Variants in TMEM167B observed in about 807,000 individuals in gnomAD.
The protein encoded by TMEM167B is transmembrane protein 167B, also known as protein kish-B.
Under a neutral mutation model 9.4 loss-of-function variants are expected in TMEM167B, and 2 were observed. The ratio of observed to expected loss-of-function variants is 0.21; its 90% CI spans 0.09 to 0.67. TMEM167B has a LOEUF of 0.67. Among genes scored for constraint, TMEM167B ranks in the 30% least tolerant of loss-of-function variants. The pLI is 0.82. For synonymous variants in TMEM167B, 28 were observed against 32.0 expected (o/e 0.87, Z 0.42); for missense variants, 68 against 87.6 (o/e 0.78, Z 0.89).
Position 109,094,575 on chromosome 1 carries a change from T to C in TMEM167B, c.*76T>C. The C allele has an allele frequency of 1.4e-6, 2 of 1,404,920 alleles. No individual in the cohort carries two copies. Among genetic ancestry groups the C allele is most frequent in the East Asian group, 4.6e-5 (2 of 43,846 alleles). 87.0% of individuals were successfully genotyped at this position (1,404,920 alleles called of 1,614,324 possible). On this transcript the variant is annotated 3_prime_UTR_variant, in exon 3 of 3. Transcript: ENST00000338272. The stretch of plus-strand genomic sequence containing the variant: ...GAACCTGTTGGAGACCTGAACCCAG[T>C]GTAGGAGAGTTCAGCTGAAATCATC...
chr1:109,090,899 T>TG lies in TMEM167B; in HGVS notation c.10+18dup. The TG allele has an allele frequency of 4.4e-6, 7 of 1,587,996 alleles. No individual in the cohort carries two copies. The highest frequency in any genetic ancestry group is 6.0e-6 in the Non-Finnish European group (7 of 1,166,194). On this transcript the variant is annotated intron_variant, in intron 1 of 2. Coordinates refer to ENST00000338272, the MANE Select transcript of TMEM167B (RefSeq NM_020141.4). The stretch of plus-strand genomic sequence containing the variant: ...TGACGAACGGTGAGAACTGATGCCC[T>TG]GAGCGGAGGGTGGGAGTGAAGGACG...
In TMEM167B at chr1:109,092,577, A is replaced by C. The variant is rs532737635; in HGVS notation, c.11-313A>C. ...TTTTAGTAAAGGGGATGTAAAAAAAAAAATTTTTTTTTGAGTTGGGGTCTC... is the reference window on the plus strand; with the variant it reads ...TTTTAGTAAAGGGGATGTAAAAAAACAAATTTTTTTTTGAGTTGGGGTCTC... On this transcript the variant is annotated intron_variant, in intron 1 of 2. Coordinates refer to ENST00000338272, the MANE Select transcript of TMEM167B (RefSeq NM_020141.4). 2.6e-5 allele frequency among the ~76,000 whole-genome samples: 4 copies of C among 152,224 alleles called. No homozygotes were observed. The East Asian group carries it at 7.7e-4, about 29-fold the overall frequency.
At chr1:109,090,935 G>A (rs1265256881) in intron 1 of TMEM167B, 53 bp downstream of exon 1, 75 of 1,555,968 alleles carry the variant, frequency 4.8e-5, no homozygotes, top group Non-Finnish European at 2.6e-6. Flanking sequence ...AAGGGAAAAC[G>A]TGGCGGGCGG....
intron 1 of TMEM167B, among the ~76,000 whole-genome samples, chr1:109,092,018 T>C (rs1287341534): frequency 2.6e-5 from 4 of 152,222 alleles, no homozygotes; most frequent in African/African-American, 9.6e-5. Flanking sequence ...AGTTGCTGAA[T>C]AAATTTTAGT....
intron 2 of TMEM167B, chr1:109,093,787 A>C (rs1318280962): frequency 6.6e-6 from 1 of 152,218 alleles, no homozygotes; most frequent in Non-Finnish European, 1.5e-5. Context: ...AAAAAGGACA[A>C]AATATAAACA....
rs1664555545 is a variant in TMEM167B, at chr1:109,095,783, G to C, written c.*1284G>C. On this transcript the variant is annotated 3_prime_UTR_variant, in exon 3 of 3. Transcript: ENST00000338272. ...TTTGCAATTGATACTGAAGTACTTT[G>C]CCATGGAGTTAGTAACTCCTGAGCA... 1 of 152,088 alleles carries C rather than the reference G, an allele frequency of 6.6e-6. No homozygotes were observed. The highest frequency in any genetic ancestry group is 1.5e-5 in the Non-Finnish European group (1 of 68,026). 9.4% of individuals were successfully genotyped at this position (152,088 alleles called of 1,614,324 possible).
chr1:109,091,192 T>G (rs1664441462), intron 1 of TMEM167B, among the ~76,000 whole-genome samples: 2 of 152,194 alleles, frequency 1.3e-5, no homozygotes, highest in South Asian at 4.1e-4. Flanking sequence ...CTACTGCTAT[T>G]TAAACCCGGG....
rs752967451 is a variant in TMEM167B at position 109,090,845 on chromosome 1, C to G, written c.-28C>G. The G allele has an allele frequency of 1.9e-6, 3 of 1,584,586 alleles. No homozygotes were observed. The highest frequency in any genetic ancestry group is 2.6e-6 in the Non-Finnish European group (3 of 1,165,182). On this transcript the variant is annotated 5_prime_UTR_variant, in exon 1 of 3. Transcript: ENST00000338272. ...GCCGCTATTACCACTGAACCCGGAC[C>G]CCCTACCCAGGTCCAGGGCCAGCCG...
chr1:109,091,142 T>A lies in TMEM167B; in HGVS notation c.10+260T>A, dbSNP rs573734393. Reference sequence around the variant, plus strand: ...GCTTTGCTTTCCCTTTTCTTTTTCTTAGTTCTTTCTGGCCCTTGGAGAGGT... The same window carrying A: ...GCTTTGCTTTCCCTTTTCTTTTTCTAAGTTCTTTCTGGCCCTTGGAGAGGT... On this transcript the variant is annotated intron_variant, in intron 1 of 2. Coordinates refer to ENST00000338272, the MANE Select transcript of TMEM167B (RefSeq NM_020141.4). Among the ~76,000 whole-genome samples, 12 of 152,314 alleles carry A rather than the reference T, an allele frequency of 7.9e-5. No homozygotes were observed. In the South Asian group the frequency reaches 1.4e-3, roughly 18 times the overall value.
intron 1 of TMEM167B, among the ~76,000 whole-genome samples, chr1:109,092,473 C>T (rs901906933): frequency 2.6e-5 from 4 of 152,080 alleles, no homozygotes; most frequent in Non-Finnish European, 5.9e-5. Flanking sequence ...AATCTATTGC[C>T]AACACTAGTC....
At chr1:109,090,921 G>A (rs1444573211) in intron 1 of TMEM167B, 39 bp downstream of exon 1, 4 of 1,571,930 alleles carry the variant, frequency 2.5e-6, no homozygotes, top group Admixed American at 1.8e-5. Context: ...GGGAGTGAAG[G>A]ACGAAGGGAA....
At chr1:109,094,321 A>G in intron 2 of TMEM167B, 96 bp from the exon 3 acceptor site, 7 of 1,208,856 alleles carry the variant, frequency 5.8e-6, no homozygotes, top group Non-Finnish European at 8.5e-6. Flanking sequence ...GAGCGTTGAT[A>G]TGTCTGTCTG....
rs1664454345 is a variant in TMEM167B at position 109,091,709 on chromosome 1, T to A, written c.10+827T>A. The A allele has an allele frequency of 2.0e-5, 3 of 152,366 alleles. No homozygotes were observed. In the South Asian group the frequency reaches 6.2e-4, roughly 32 times the overall value. The allele number at this position is 152,366 out of a possible 1,614,324, so 9.4% of individuals were successfully genotyped here. A position where few individuals can be genotyped will look rare whatever the true frequency, so the allele number is the denominator to read the frequency against. ...AACCTCCTTGTGAATTTTGGCATTG[T>A]CTGCAGAAACTTATGAGAGAAAAGG... On this transcript the variant is annotated intron_variant, in intron 1 of 2. Coordinates refer to ENST00000338272, the MANE Select transcript of TMEM167B (RefSeq NM_020141.4).
intron 1 of TMEM167B, among the ~76,000 whole-genome samples, chr1:109,092,460 C>T (rs1446029087): frequency 2.6e-5 from 4 of 152,118 alleles, no homozygotes; most frequent in African/African-American, 7.2e-5. Flanking sequence ...ATTCATATGT[C>T]TCAATCTATT....
At chr1:109,090,995 C>T (rs996624282) in intron 1 of TMEM167B, 113 bp downstream of exon 1, 14 of 1,337,546 alleles carry the variant, frequency 1.0e-5, no homozygotes, top group East Asian at 5.1e-5. Flanking sequence ...GCCCGGCCCC[C>T]CTTGGCCTCT....
In TMEM167B at chr1:109,094,745, A is replaced by G. The variant is rs1214059853; in HGVS notation, c.*246A>G. 4 of 490,696 alleles carry G rather than the reference A, an allele frequency of 8.2e-6. No homozygotes were observed. Among genetic ancestry groups the G allele is most frequent in the African/African-American group, 2.0e-5 (1 of 50,492 alleles). The allele number at this position is 490,696 out of a possible 1,614,324, so 30.4% of individuals were successfully genotyped here. A position where few individuals can be genotyped will look rare whatever the true frequency, so the allele number is the denominator to read the frequency against. On this transcript the variant is annotated 3_prime_UTR_variant, in exon 3 of 3. Coordinates refer to ENST00000338272, the MANE Select transcript of TMEM167B (RefSeq NM_020141.4). ...AATCAGTCCTTGGCAGAGTGCATAT[A>G]ATGTCCGGATAAATTACACCCCTCG... is the stretch of plus-strand genomic sequence containing the variant.
In TMEM167B at chr1:109,096,321, G is replaced by T. The variant is rs1483161374; in HGVS notation, c.*1822G>T. The T allele has an allele frequency of 6.6e-6, 1 of 152,218 alleles. No homozygotes were observed. Among genetic ancestry groups the T allele is most frequent in the South Asian group, 2.1e-4 (1 of 4,830 alleles). The allele number at this position is 152,218 out of a possible 1,614,324, so 9.4% of individuals were successfully genotyped here. On this transcript the variant is annotated 3_prime_UTR_variant, in exon 3 of 3. Coordinates refer to ENST00000338272, the MANE Select transcript of TMEM167B (RefSeq NM_020141.4). ...GGAAAGAGAGTTACACCTTGTGGGT[G>T]TGAGTTTGGGACCTGTTGGCAGAAG...
At chr1:109,091,066 C>T (rs986392888) in intron 1 of TMEM167B, among the ~76,000 whole-genome samples, 184 bp downstream of exon 1, 3 of 151,146 alleles carry the variant, frequency 2.0e-5, no homozygotes, top group African/African-American at 7.3e-5. Context: ...CCATATTCAT[C>T]TAGGACCCCC....
At chr1:109,090,975 C>T in intron 1 of TMEM167B, 93 bp downstream of exon 1, 1 of 1,452,634 alleles carries the variant, frequency 6.9e-7, no homozygotes, top group Non-Finnish European at 9.3e-7. Flanking sequence ...GTTCTCCCCG[C>T]CCCCTCCCAG....
Sources: gnomAD v4.1 joint callset for allele counts (sites outside exome capture counted in the v4.1 genomes callset) on GRCh38, gnomAD v4.1.1 for gene constraint, MANE v1.5 for transcripts, NCBI Gene and HGNC (gene_info 2026-07-23, HGNC 2026-07-21) for gene names.